Variants in P2RX1 observed in about 807,000 individuals in gnomAD.
P2RX1 encodes the protein P2X purinoceptor 1.
P2RX1 carries 42 observed loss-of-function variants against 50.3 expected under a neutral mutation model. The ratio of observed to expected loss-of-function variants is 0.83; its 90% CI spans 0.65 to 1.08. The LOEUF (loss-of-function observed/expected upper bound fraction) is 1.08, where lower values mean the gene tolerates loss of function less well. Among genes scored for constraint, P2RX1 ranks in the 50% least tolerant of loss-of-function variants. The pLI, the probability that P2RX1 is intolerant of heterozygous loss-of-function variation, is 0.00. For synonymous variants in P2RX1, 199 were observed against 202.6 expected (o/e 0.98, Z 0.15); for missense variants, 449 against 529.0 (o/e 0.85, Z 1.48).
At chr17:3,915,133 C>T (rs557562358) in intron 1 of P2RX1, among the ~76,000 whole-genome samples, 6 of 152,252 alleles carry the variant, frequency 3.9e-5, no homozygotes, top group East Asian at 3.9e-4. Flanking sequence ...GGCTACTGGG[C>T]ACCCCTAGGA....
At chr17:3,905,153 G>A (rs867884840) in intron 2 of P2RX1, 67 bp downstream of exon 2, 2 of 1,584,148 alleles carry the variant, frequency 1.3e-6, no homozygotes, top group South Asian at 2.2e-5. Context: ...CAGGGACGTG[G>A]GACAGAGTCC....
chr17:3,908,018 G>A (rs921982997), intron 1 of P2RX1, among the ~76,000 whole-genome samples: 1 of 152,198 alleles, frequency 6.6e-6, no homozygotes, highest in African/African-American at 2.4e-5. Flanking sequence ...CAAGAGACAG[G>A]GAAGCTGAGG....
chr17:3,905,129 C>T, intron 2 of P2RX1, 91 bp downstream of exon 2: 1 of 1,524,638 alleles, frequency 6.6e-7, no homozygotes, highest in Non-Finnish European at 9.0e-7. Context: ...GAAAGAGGAG[C>T]TGGGCTGGTC....
Position 3,903,120 on chromosome 17 carries a change from G to T in P2RX1, c.747+82C>A. On this transcript the variant is annotated intron_variant, in intron 7 of 11. Coordinates refer to ENST00000225538, the MANE Select transcript of P2RX1 (RefSeq NM_002558.4). This position sits in a 1 kb window ranked among gnomAD's most constrained non-coding sequence, Gnocchi z 4.6. The stretch of plus-strand genomic sequence containing the variant: ...ACTCAGCCCTCACCGAGGAGACTTG[G>T]GAAGATGAACTGGGCCTAAAAAGCC... 1 of 1,590,386 alleles carries T rather than the reference G, an allele frequency of 6.3e-7. No homozygotes were observed. Among genetic ancestry groups the T allele is most frequent in the Non-Finnish European group, 8.6e-7 (1 of 1,165,218 alleles).
intron 1 of P2RX1, among the ~76,000 whole-genome samples, chr17:3,906,691 C>T (rs1384248068): frequency 6.6e-6 from 1 of 152,172 alleles, no homozygotes; most frequent in East Asian, 1.9e-4. Context: ...GAAATTCTGG[C>T]CTTGCCTTCC....
chr17:3,898,483 C>T lies in P2RX1; in HGVS notation c.1032+1G>A. On this transcript the variant is annotated splice_donor_variant, in intron 10 of 11. Coordinates refer to ENST00000225538, the MANE Select transcript of P2RX1 (RefSeq NM_002558.4). LOFTEE classifies it high-confidence loss of function. ...AGTGAGCCGGTGACCCCAGCACTTA[C>T]CACCCCAAAGATGCCAATTCCAGAG... 6.2e-7 allele frequency: 1 copy of T among 1,613,148 alleles called. No individual in the cohort carries two copies. Among genetic ancestry groups the T allele is most frequent in the Non-Finnish European group, 8.5e-7 (1 of 1,179,172 alleles).
At chr17:3,912,574 A>G (rs1026939891) in intron 1 of P2RX1, among the ~76,000 whole-genome samples, 24 of 151,942 alleles carry the variant, frequency 1.6e-4, no homozygotes, top group African/African-American at 5.3e-4. Context: ...CAAGTGATCC[A>G]CCCGCCTTAG....
At chr17:3,911,251 G>C (rs948502840) in intron 1 of P2RX1, among the ~76,000 whole-genome samples, 7 of 151,950 alleles carry the variant, frequency 4.6e-5, no homozygotes, top group Non-Finnish European at 1.0e-4. Context: ...GCCTCCCAAA[G>C]TGCTGGGTTT....
intron 1 of P2RX1, among the ~76,000 whole-genome samples, chr17:3,912,336 TA>T (rs2056379915): frequency 6.9e-6 from 1 of 145,142 alleles, no homozygotes; most frequent in East Asian, 2.2e-4. Flanking sequence ...TTTGTTTTTT[TA>T]TTTTTTTTTT....
intron 9 of P2RX1, 51 bp from the exon 10 acceptor site, chr17:3,898,600 C>A (rs771580298): frequency 6.9e-7 from 1 of 1,441,730 alleles, no homozygotes; most frequent in Non-Finnish European, 9.7e-7. Flanking sequence ...AGGGGCCCAG[C>A]TGGAAAAGGC....
Position 3,903,536 on chromosome 17 carries a change from G to A in P2RX1, c.605+15C>T, listed in dbSNP as rs1387206935. 5.6e-6 allele frequency: 9 copies of A among 1,613,538 alleles called. No individual in the cohort carries two copies. The highest frequency in any genetic ancestry group is 5.0e-5 in the Admixed American group (3 of 60,016). The stretch of plus-strand genomic sequence containing the variant: ...CGGCCAGCTGCCTGCATTTCTGCCC[G>A]AATTTCCCACGCACCTGTTGACCTT... On this transcript the variant is annotated intron_variant, in intron 6 of 11. Transcript: ENST00000225538. This position sits in a 1 kb window ranked among gnomAD's most constrained non-coding sequence, Gnocchi z 4.6.
intron 4 of P2RX1, 118 bp downstream of exon 4, chr17:3,904,212 G>T: frequency 1.7e-6 from 2 of 1,154,234 alleles, no homozygotes; most frequent in Non-Finnish European, 2.6e-6. Flanking sequence ...AGTCCCTCCC[G>T]GAGGCCGCCT....
In P2RX1 at chr17:3,902,576, G is replaced by A. The variant is rs1306979587; in HGVS notation, c.747+626C>T. Among the ~76,000 whole-genome samples, 5 of 150,458 alleles carry A rather than the reference G, an allele frequency of 3.3e-5. No homozygotes were observed. In the East Asian group the frequency reaches 7.8e-4, roughly 24 times the overall value. ...CTCTCAAAGTGCTGGGATTACAGGC[G>A]TGAACCACTGTGCCCGGCCAATTTT... is the stretch of plus-strand genomic sequence containing the variant. On this transcript the variant is annotated intron_variant, in intron 7 of 11. Transcript: ENST00000225538.
chr17:3,905,283 C>T lies in P2RX1; in HGVS notation c.222G>A (p.Val74=). The T allele has an allele frequency of 1.9e-6, 3 of 1,613,952 alleles. No homozygotes were observed. Among genetic ancestry groups the T allele is most frequent in the Non-Finnish European group, 1.7e-6 (2 of 1,180,032 alleles). ...SVSVKLKGLA[V]TQLPGLGPQV... ...GGGGGCCGAGGCCAGGGAGCTGGGT[C>T]ACGGCCAGGCCCTTGAGTTTCACAG... Residue 74 remains valine (V), a synonymous_variant, in exon 2 of 12, where the codon GTG becomes GTA. Transcript: ENST00000225538.
At chr17:3,899,599 A>T in intron 8 of P2RX1, 35 bp downstream of exon 8, 1 of 1,610,264 alleles carries the variant, frequency 6.2e-7, no homozygotes, top group Non-Finnish European at 8.5e-7. Context: ...GCAGGACCAC[A>T]AGGAAGAATG....
intron 1 of P2RX1, among the ~76,000 whole-genome samples, chr17:3,910,253 G>T (rs1456612696): frequency 6.6e-6 from 1 of 152,146 alleles, no homozygotes; most frequent in Non-Finnish European, 1.5e-5. Flanking sequence ...GGGATTACAG[G>T]CATGAGCCAC....
intron 1 of P2RX1, among the ~76,000 whole-genome samples, chr17:3,906,392 A>T (rs916030103): frequency 6.6e-6 from 1 of 152,184 alleles, no homozygotes; most frequent in Non-Finnish European, 1.5e-5. Context: ...CGGCCTCCCA[A>T]AGTGCTGGGA....
At position 3,916,255 on chromosome 17, in the gene P2RX1, C is replaced by T. The variant is rs1365184580; in HGVS notation, c.-30G>A. 4 of 1,609,380 alleles carry T rather than the reference C, an allele frequency of 2.5e-6. No individual in the cohort carries two copies. The highest frequency in any genetic ancestry group is 2.2e-5 in the South Asian group (2 of 90,966). On this transcript the variant is annotated 5_prime_UTR_variant, in exon 1 of 12. Coordinates refer to ENST00000225538, the MANE Select transcript of P2RX1 (RefSeq NM_002558.4). ...GGCCGGCTGGGGCTCAGAACTGAGC[C>T]CCCTGCACGGCCTCTGCTCTCAGGG...
intron 1 of P2RX1, among the ~76,000 whole-genome samples, chr17:3,909,452 C>T (rs1358533148): frequency 6.6e-6 from 1 of 152,202 alleles, no homozygotes. Context: ...TGTTGATCCG[C>T]CCCCATTCCC....
Sources: allele counts gnomAD v4.1 joint callset (sites outside exome capture counted in the v4.1 genomes callset), GRCh38; gene constraint gnomAD v4.1.1; non-coding constraint Gnocchi (gnomAD v3.1); transcripts MANE v1.5; gene names NCBI Gene and HGNC (gene_info 2026-07-23, HGNC 2026-07-21).